ANXA10: variants seen among roughly 807,000 people sequenced by gnomAD.
ANXA10 encodes annexin 14.
A neutral mutation model predicts 53.5 loss-of-function variants in ANXA10; 49 were observed. That is an observed-to-expected ratio of 0.92 (90% CI 0.73 to 1.16). ANXA10 has a LOEUF of 1.16. Ranked by LOEUF, ANXA10 falls within the 50% of genes most tolerant of loss-of-function variation. The pLI is 0.00. For synonymous variants in ANXA10, 131 were observed against 128.9 expected, an observed-to-expected ratio of 1.02 and a Z score of -0.11; for missense variants, 393 against 394.4, an observed-to-expected ratio of 1.00 and a Z score of 0.03.
At chr4:168,118,104 TC>T (rs1276026246) in intron 1 of ANXA10, among the ~76,000 whole-genome samples, 3 of 152,146 alleles carry the variant, frequency 2.0e-5, no homozygotes, top group South Asian at 2.1e-4. Flanking sequence ...TTTTTTTTTT[TC>T]CTCATCAATT....
intron 3 of ANXA10, among the ~76,000 whole-genome samples, chr4:168,141,801 T>C (rs1390530740): frequency 6.6e-6 from 1 of 152,196 alleles, no homozygotes; most frequent in Non-Finnish European, 1.5e-5. Context: ...CGTTCCCTGC[T>C]CTGTCTCAAG....
At chr4:168,120,476 T>G (rs1365939763) in intron 1 of ANXA10, among the ~76,000 whole-genome samples, 2 of 152,076 alleles carry the variant, frequency 1.3e-5, no homozygotes, top group Non-Finnish European at 2.9e-5. Flanking sequence ...GGTAAATAAC[T>G]GGTTATAAGA....
chr4:168,123,091 C>T (rs891853459), intron 1 of ANXA10, among the ~76,000 whole-genome samples: 6 of 152,080 alleles, frequency 3.9e-5, no homozygotes, highest in African/African-American at 1.2e-4. Flanking sequence ...CAGGAAACCA[C>T]GTAGGTTTTT....
At chr4:168,102,981 CATT>C (rs1730665204) in intron 1 of ANXA10, among the ~76,000 whole-genome samples, 1 of 152,020 alleles carries the variant, frequency 6.6e-6, no homozygotes, top group Admixed American at 6.6e-5. Flanking sequence ...ACTATACCGT[CATT>C]GTGAATGTGT....
rs200065199 is a variant in ANXA10 at position 168,177,728 on chromosome 4, C to T, written c.481-12C>T. ...AGAACATTTACATGGAAAACCTGTG[C>T]TTACTTTACAGGGGACCAGAGAGGA... On this transcript the variant is annotated splice_polypyrimidine_tract_variant and intron_variant, in intron 6 of 11. Transcript: ENST00000359299. 4 of 1,613,936 alleles carry T rather than the reference C, an allele frequency of 2.5e-6. No individual in the cohort carries two copies. Among genetic ancestry groups the T allele is most frequent in the Non-Finnish European group, 3.4e-6 (4 of 1,179,856 alleles).
At chr4:168,137,247 C>T (rs1306127717) in intron 2 of ANXA10, among the ~76,000 whole-genome samples, 2 of 152,062 alleles carry the variant, frequency 1.3e-5, no homozygotes, top group African/African-American at 2.4e-5. Context: ...TTCTTCACTC[C>T]CCTGTACTTT....
At chr4:168,122,814 C>A (rs1287877975) in intron 1 of ANXA10, among the ~76,000 whole-genome samples, 2 of 152,156 alleles carry the variant, frequency 1.3e-5, no homozygotes, top group Middle Eastern at 6.3e-3. Context: ...CCCTATGACC[C>A]CAACGCCTCC....
At chr4:168,149,959 A>G (rs1242801563) in intron 3 of ANXA10, among the ~76,000 whole-genome samples, 1 of 152,190 alleles carries the variant, frequency 6.6e-6, no homozygotes, top group Non-Finnish European at 1.5e-5. Context: ...CCTGTGTTAC[A>G]TTGCCCAGTA....
intron 1 of ANXA10, among the ~76,000 whole-genome samples, chr4:168,101,584 G>C (rs1730640418): frequency 6.6e-6 from 1 of 151,552 alleles, no homozygotes; most frequent in Non-Finnish European, 1.5e-5. Context: ...TCTTATTCCA[G>C]CCCTAGAATT....
rs542260478 is a variant in ANXA10, at chr4:168,182,318, A to ATTTTTTTTTTTTT, written c.783+595_783+607dup. On this transcript the variant is annotated intron_variant, in intron 10 of 11. Coordinates refer to ENST00000359299, the MANE Select transcript of ANXA10 (RefSeq NM_007193.5). ...CAGTCGCACATACTTTGGAGCATTA[A>ATTTTTTTTTTTTT]TTTTTTTTTTTTTTTTTTTTTTTTT... 5.4e-3 allele frequency among the ~76,000 whole-genome samples: 271 copies of ATTTTTTTTTTTTT among 49,758 alleles called. 67 individuals are homozygous for ATTTTTTTTTTTTT. The highest frequency in any genetic ancestry group is 0.013 in the African/African-American group (124 of 9,464). 32.6% of individuals were successfully genotyped at this position (49,758 alleles called of 152,430 possible).
chr4:168,137,011 G>T (rs1168413767), intron 2 of ANXA10, among the ~76,000 whole-genome samples: 1 of 152,198 alleles, frequency 6.6e-6, no homozygotes, highest in Non-Finnish European at 1.5e-5. Context: ...TTTTCAGCTT[G>T]CACCCTCTGG....
chr4:168,182,553 T>C (rs1466159725), intron 10 of ANXA10, among the ~76,000 whole-genome samples: 1 of 149,200 alleles, frequency 6.7e-6, no homozygotes, highest in Non-Finnish European at 1.5e-5. Context: ...CAGGATGGTC[T>C]CGATTTCCTG....
At chr4:168,119,193 T>C (rs1050333775) in intron 1 of ANXA10, among the ~76,000 whole-genome samples, 2 of 152,176 alleles carry the variant, frequency 1.3e-5, no homozygotes, top group Admixed American at 6.6e-5. Context: ...CTGAAAATGA[T>C]ATGACACAGT....
At chr4:168,165,612 GA>G (rs1731865310) in intron 6 of ANXA10, among the ~76,000 whole-genome samples, 1 of 151,968 alleles carries the variant, frequency 6.6e-6, no homozygotes, top group African/African-American at 2.4e-5. Flanking sequence ...TTTATATTCT[GA>G]GAAAATTAAA....
At chr4:168,148,296 AGCTGGGATTACAGGT>A (rs1731437411) in intron 3 of ANXA10, among the ~76,000 whole-genome samples, 1 of 151,708 alleles carries the variant, frequency 6.6e-6, no homozygotes, top group African/African-American at 2.4e-5. Context: ...CCTCCTGAGT[AGCTGGGATTACAGGT>A]GCCCACCACC....
intron 3 of ANXA10, among the ~76,000 whole-genome samples, chr4:168,142,252 C>A (rs1013273728): frequency 1.3e-5 from 2 of 152,100 alleles, no homozygotes; most frequent in Admixed American, 6.6e-5. Context: ...ATGGAATAAA[C>A]CTAATGCCTT....
chr4:168,119,116 A>T (rs1324750250), intron 1 of ANXA10, among the ~76,000 whole-genome samples: 1 of 152,154 alleles, frequency 6.6e-6, no homozygotes, highest in Non-Finnish European at 1.5e-5. Context: ...ATTCTATCTC[A>T]TAAGTCTTGT....
chr4:168,109,027 T>C (rs1730760041), intron 1 of ANXA10, among the ~76,000 whole-genome samples: 1 of 152,256 alleles, frequency 6.6e-6, no homozygotes, highest in Non-Finnish European at 1.5e-5. Flanking sequence ...TTCTTCACTT[T>C]GGAATGTGAA....
Position 168,177,893 on chromosome 4 carries a change from C to G in ANXA10, c.538C>G (p.Leu180Val). The G allele has an allele frequency of 6.2e-7, 1 of 1,614,092 alleles. No homozygotes were observed. The highest frequency in any genetic ancestry group is 8.5e-7 in the Non-Finnish European group (1 of 1,180,022). ...PAMAAQDAMV[L>V]WEACQQKTGE... ...TCTCTGCTGGCTAATGTTCCAGGTC[C>G]TATGGGAAGCCTGTCAGCAGAAGAC... The change falls in exon 8 of 12, where the codon CTA (leucine) becomes GTA (valine). Residue 180 changes from leucine (L) to valine (V), a missense_variant. Leu to Val is a conservative substitution (Grantham distance 32, BLOSUM62 1). Coordinates refer to ENST00000359299, the MANE Select transcript of ANXA10 (RefSeq NM_007193.5).
Sources: gnomAD v4.1 joint callset for allele counts (sites outside exome capture counted in the v4.1 genomes callset) on GRCh38, gnomAD v4.1.1 for gene constraint, MANE v1.5 for transcripts, NCBI Gene and HGNC (gene_info 2026-07-23, HGNC 2026-07-21) for gene names.